Variants in TAF1 observed in about 807,000 individuals in gnomAD.
TAF1 encodes transcription initiation factor TFIID subunit 1.
In TAF1, 2 loss-of-function variants were observed where a neutral mutation model predicts 138.5. That is an observed-to-expected ratio of 0.01 (90% CI 0.01 to 0.05). The LOEUF (loss-of-function observed/expected upper bound fraction) is 0.05. Among genes scored for constraint, TAF1 ranks in the 10% least tolerant of loss-of-function variants. The pLI is 1.00. For synonymous variants in TAF1, 437 were observed against 503.2 expected (o/e 0.87, Z 1.76); for missense variants, 709 against 1,478.0 (o/e 0.48, Z 8.53).
At chrX:71,473,811 T>C (rs904619017) in intron 13 of TAF1, among the ~76,000 whole-genome samples, 1 of 109,077 alleles carries the variant, frequency 9.2e-6, no homozygotes, top group Admixed American at 9.9e-5. Context: ...GGAAGGAAGG[T>C]GAGGGTTGGG....
At chrX:71,482,041 T>C (rs922895129) in intron 13 of TAF1, among the ~76,000 whole-genome samples, 1 of 112,271 alleles carries the variant, frequency 8.9e-6, no homozygotes, top group Non-Finnish European at 1.9e-5. Context: ...TCTGTCTGCT[T>C]AACCCTCCTT....
Position 71,517,453 on chromosome X carries a change from T to G in TAF1, c.1367-11089T>G, listed in dbSNP as rs141735926. Among the ~76,000 whole-genome samples, 888 of 111,624 alleles carry G rather than the reference T, an allele frequency of 8.0e-3. 8 individuals are homozygous for G. The highest frequency in any genetic ancestry group is 0.028 in the African/African-American group (848 of 30,700). On this transcript the variant is annotated intron_variant and NMD_transcript_variant, in intron 13 of 14. Coordinates refer to the TAF1 transcript ENST00000373775. ...TCAAAATATTTCATGTACCCCATAA[T>G]ATATACACCTACTATGGTACCCACA...
At chrX:71,525,890 C>T (rs1280329310) in intron 13 of TAF1, among the ~76,000 whole-genome samples, 9 of 106,398 alleles carry the variant, frequency 8.5e-5, no homozygotes, top group Non-Finnish European at 1.5e-4. Context: ...ATGTCAAACT[C>T]CTAGGCTCAA....
At chrX:71,472,501 G>A in intron 13 of TAF1, among the ~76,000 whole-genome samples, 1 of 111,429 alleles carries the variant, frequency 9.0e-6, no homozygotes, top group Non-Finnish European at 1.9e-5. Flanking sequence ...GGAGGCCGAG[G>A]TGGGCGAATC....
intron 32 of TAF1, among the ~76,000 whole-genome samples, chrX:71,438,857 C>T (rs758440327): frequency 1.8e-4 from 20 of 111,718 alleles, no homozygotes; most frequent in African/African-American, 5.8e-4. Flanking sequence ...ATGCACTCAG[C>T]GTTCTTGGGA....
At chrX:71,436,512 A>G (rs2037154917) in intron 32 of TAF1, among the ~76,000 whole-genome samples, 1 of 108,068 alleles carries the variant, frequency 9.3e-6, no homozygotes, top group Non-Finnish European at 1.9e-5. Context: ...GCCTGGCCTA[A>G]TTTTTGTGTT....
At chrX:71,413,982 TG>T (rs1015698284) in intron 28 of TAF1, 2 of 109,970 alleles carry the variant, frequency 1.8e-5, no homozygotes, top group Non-Finnish European at 3.8e-5. Flanking sequence ...TCAAAGACAG[TG>T]GGGGGATATA....
At chrX:71,454,124 G>A (rs142427870) in intron 32 of TAF1, 46 bp from the exon 33 acceptor site, 3 of 1,119,773 alleles carry the variant, frequency 2.7e-6, no homozygotes, top group Non-Finnish European at 3.7e-6. Context: ...GTAAAATTCT[G>A]GAACAAGTCT....
chrX:71,375,658 A>G (rs755634899), intron 4 of TAF1, among the ~76,000 whole-genome samples: 11 of 111,692 alleles, frequency 9.8e-5, no homozygotes, highest in Middle Eastern at 4.6e-3. Flanking sequence ...TTTGAGAAAG[A>G]GTCTTGCTGT....
At chrX:71,432,676 T>G (rs1419894009) in intron 32 of TAF1, among the ~76,000 whole-genome samples, 3 of 111,545 alleles carry the variant, frequency 2.7e-5, no homozygotes, top group Non-Finnish European at 3.8e-5. Flanking sequence ...AAAAAAATTA[T>G]TGAAGTTCGG....
intron 13 of TAF1, among the ~76,000 whole-genome samples, chrX:71,481,977 A>G (rs111871383): frequency 7.9e-4 from 89 of 112,359 alleles, no homozygotes; most frequent in African/African-American, 2.6e-3. Context: ...AGAGATAGGT[A>G]GTTGTTGGCT....
At position 71,382,873 on chromosome X, in the gene TAF1, A is replaced by G; in HGVS notation, c.1773+5A>G. ...TTTGGAGGGAATATTATCCAGGTAC[A>G]AATAGTGTCTTTTCTGTGATAGAGG... On this transcript the variant is annotated splice_donor_5th_base_variant and intron_variant, in intron 11 of 37. Transcript: ENST00000423759. The G allele has an allele frequency of 8.3e-7, 1 of 1,202,154 alleles. No homozygotes were observed. The highest frequency in any genetic ancestry group is 1.1e-6 in the Non-Finnish European group (1 of 890,882).
chrX:71,435,702 A>G (rs541823931), intron 32 of TAF1, among the ~76,000 whole-genome samples: 5 of 111,680 alleles, frequency 4.5e-5, no homozygotes, highest in East Asian at 2.8e-4. Context: ...CATTTATTCT[A>G]TCATGCCCAG....
chrX:71,377,443 C>T (rs184621042), intron 5 of TAF1, among the ~76,000 whole-genome samples, 160 bp from the exon 6 acceptor site: 18 of 111,831 alleles, frequency 1.6e-4, no homozygotes, highest in Admixed American at 1.1e-3. Context: ...TATTAAGGAA[C>T]GCTTCTTTAC....
chrX:71,433,871 A>G (rs1438152883), intron 32 of TAF1, among the ~76,000 whole-genome samples: 1 of 110,615 alleles, frequency 9.0e-6, no homozygotes, highest in Non-Finnish European at 1.9e-5. Flanking sequence ...GAGAATAGGA[A>G]ACTTCTGAAT....
chrX:71,508,251 G>A (rs900254332), intron 13 of TAF1, among the ~76,000 whole-genome samples: 8 of 108,711 alleles, frequency 7.4e-5, no homozygotes, highest in African/African-American at 2.7e-4. Flanking sequence ...GTAAGGAGGA[G>A]CAGCACCCAT....
chrX:71,467,020 A>G (rs1055106933), downstream of TAF1, among the ~76,000 whole-genome samples: 1 of 107,336 alleles, frequency 9.3e-6, no homozygotes, highest in Non-Finnish European at 1.9e-5. Flanking sequence ...GGAGACCCTT[A>G]AAAAAAACCA....
At chrX:71,460,399 G>A (rs1269830512) in intron 36 of TAF1, among the ~76,000 whole-genome samples, 2 of 112,544 alleles carry the variant, frequency 1.8e-5, no homozygotes, top group Non-Finnish European at 3.8e-5. Flanking sequence ...ATACAGATAG[G>A]TTGGCATGAG....
chrX:71,514,760 C>G (rs1288371772), intron 13 of TAF1, among the ~76,000 whole-genome samples: 1 of 111,509 alleles, frequency 9.0e-6, no homozygotes, highest in African/African-American at 3.3e-5. Context: ...GGGCCACATG[C>G]CAGTATCTTT....
Sources: allele counts gnomAD v4.1 joint callset (sites outside exome capture counted in the v4.1 genomes callset), GRCh38; gene constraint gnomAD v4.1.1; transcripts MANE v1.5; gene names NCBI Gene and HGNC (gene_info 2026-07-23, HGNC 2026-07-21).